Variants in NRXN1 observed in about 807,000 individuals in gnomAD.
NRXN1 encodes the protein neurexin-1.
In NRXN1, 39 loss-of-function variants were observed where a neutral mutation model predicts 150.9. That is an observed-to-expected ratio of 0.26 (90% CI 0.20 to 0.34). NRXN1 has a LOEUF of 0.34. Ranked by LOEUF, NRXN1 falls within the 10% of genes least tolerant of loss-of-function variation. The probability of loss-of-function intolerance (pLI) is 1.00; values close to 1 mark genes in which losing one functional copy is unlikely to be tolerated. For missense variants in NRXN1, 1,815 were observed against 1,949.9 expected, an observed-to-expected ratio of 0.93 and a Z score of 1.30; for synonymous variants, 924 against 757.0, an observed-to-expected ratio of 1.22 and a Z score of -3.62.
At chr2:50,420,912 C>T (rs1452630671) in intron 17 of NRXN1, among the ~76,000 whole-genome samples, 1 of 150,476 alleles carries the variant, frequency 6.6e-6, no homozygotes, top group Admixed American at 6.7e-5. Flanking sequence ...ATTTGGATTC[C>T]TCTAAGTAAA....
intron 18 of NRXN1, among the ~76,000 whole-genome samples, chr2:50,139,241 G>A (rs115835544): frequency 0.012 from 1,787 of 150,220 alleles, 21 homozygotes; most frequent in Non-Finnish European, 0.019. Flanking sequence ...CAGGAGAGTT[G>A]CTTGATCCTG....
At chr2:50,014,604 G>A (rs1024488603) in intron 21 of NRXN1, among the ~76,000 whole-genome samples, 4 of 152,114 alleles carry the variant, frequency 2.6e-5, no homozygotes, top group Non-Finnish European at 4.4e-5. Context: ...GAGAACCACT[G>A]ATTTGTTCTT....
At chr2:50,959,186 G>A (rs898151676) in intron 2 of NRXN1, among the ~76,000 whole-genome samples, 5 of 151,980 alleles carry the variant, frequency 3.3e-5, no homozygotes, top group Non-Finnish European at 7.4e-5. Context: ...AACCCCTTTG[G>A]AAAGCAGTCT....
At chr2:50,493,665 A>T (rs1444874861) in intron 15 of NRXN1, among the ~76,000 whole-genome samples, 3 of 152,212 alleles carry the variant, frequency 2.0e-5, no homozygotes, top group East Asian at 1.9e-4. Flanking sequence ...GATGGTGCAC[A>T]TGATAAGAGG....
intron 8 of NRXN1, among the ~76,000 whole-genome samples, chr2:50,592,033 G>C (rs976826866): frequency 1.3e-5 from 2 of 152,188 alleles, no homozygotes; most frequent in Non-Finnish European, 2.9e-5. Flanking sequence ...CCGATGCAAG[G>C]AGGAGATAAG....
At chr2:50,626,180 G>T (rs1680999952) in intron 5 of NRXN1, among the ~76,000 whole-genome samples, 1 of 151,894 alleles carries the variant, frequency 6.6e-6, no homozygotes, top group Non-Finnish European at 1.5e-5. Flanking sequence ...AGAATTTAGA[G>T]TTCTGTGTAC....
chr2:50,490,702 G>A lies in NRXN1; in HGVS notation c.3070+5203C>T, dbSNP rs184006261. On this transcript the variant is annotated intron_variant, in intron 15 of 22. Coordinates refer to ENST00000401669, the MANE Select transcript of NRXN1 (RefSeq NM_001330078.2). ...GCAGTGCCAGCAGACAGAATAGAGC[G>A]AGGGTGGCTGCACTGCTGTCACGGT... is the stretch of plus-strand genomic sequence containing the variant. 1.3e-3 allele frequency among the ~76,000 whole-genome samples: 200 copies of A among 152,306 alleles called. 2 individuals are homozygous for A. Among genetic ancestry groups the A allele is most frequent in the East Asian group, 3.9e-4 (2 of 5,170 alleles).
At chr2:50,182,299 C>A (rs1023122999) in intron 18 of NRXN1, among the ~76,000 whole-genome samples, 2 of 151,874 alleles carry the variant, frequency 1.3e-5, no homozygotes, top group African/African-American at 4.8e-5. Context: ...TAAGATTTTA[C>A]ATGTGGCATT....
At chr2:50,231,705 C>A (rs1221904360) in intron 18 of NRXN1, among the ~76,000 whole-genome samples, 2 of 152,088 alleles carry the variant, frequency 1.3e-5, no homozygotes, top group Non-Finnish European at 2.9e-5. Flanking sequence ...AGAACCAATG[C>A]ACATGTTAAT....
At chr2:50,187,443 T>G (rs1440352740) in intron 18 of NRXN1, among the ~76,000 whole-genome samples, 3 of 152,098 alleles carry the variant, frequency 2.0e-5, no homozygotes, top group Admixed American at 1.3e-4. Flanking sequence ...ATAACATTCT[T>G]TTATTATGCT....
intron 17 of NRXN1, among the ~76,000 whole-genome samples, chr2:50,273,893 T>C (rs1353827247): frequency 6.6e-6 from 1 of 152,110 alleles, no homozygotes; most frequent in Non-Finnish European, 1.5e-5. Context: ...CTGGAGAGGA[T>C]GTGTAGAAAT....
intron 5 of NRXN1, among the ~76,000 whole-genome samples, chr2:50,880,681 G>C (rs898989750): frequency 6.6e-6 from 1 of 151,942 alleles, no homozygotes; most frequent in African/African-American, 2.4e-5. Context: ...TTTGTGTTTT[G>C]TCTTGCTTTC....
intron 2 of NRXN1, among the ~76,000 whole-genome samples, chr2:51,006,236 T>G (rs945561678): frequency 6.6e-6 from 1 of 151,860 alleles, no homozygotes; most frequent in Non-Finnish European, 1.5e-5. Flanking sequence ...TGAGTTCATG[T>G]CCTTTGTAGG....
intron 18 of NRXN1, among the ~76,000 whole-genome samples, chr2:50,200,396 C>T (rs1487304446): frequency 6.6e-6 from 1 of 152,088 alleles, no homozygotes; most frequent in African/African-American, 2.4e-5. Context: ...TCTTCTAAGA[C>T]ATTAATATTT....
At chr2:50,958,495 T>A (rs953723825) in intron 2 of NRXN1, among the ~76,000 whole-genome samples, 11 of 152,168 alleles carry the variant, frequency 7.2e-5, no homozygotes, top group South Asian at 2.1e-4. Flanking sequence ...TTGTTTTTTT[T>A]AATTCATTTA....
At chr2:50,299,432 G>C (rs921246292) in intron 17 of NRXN1, among the ~76,000 whole-genome samples, 58 of 147,340 alleles carry the variant, frequency 3.9e-4, no homozygotes, top group Admixed American at 3.6e-3. Flanking sequence ...TTTTAAAACT[G>C]ACTTCTAAAT....
chr2:50,832,712 G>A (rs980981265), intron 5 of NRXN1, among the ~76,000 whole-genome samples: 5 of 152,098 alleles, frequency 3.3e-5, no homozygotes, highest in African/African-American at 1.2e-4. Context: ...CAAAGTTGGA[G>A]CTCAATGCAG....
chr2:50,816,846 T>C (rs1161657286), intron 5 of NRXN1, among the ~76,000 whole-genome samples: 1 of 152,080 alleles, frequency 6.6e-6, no homozygotes, highest in African/African-American at 2.4e-5. Context: ...CAAAGTCCTT[T>C]CCTCCAAGAT....
intron 18 of NRXN1, among the ~76,000 whole-genome samples, chr2:50,187,892 C>G (rs2061191245): frequency 6.6e-6 from 1 of 151,950 alleles, no homozygotes. Flanking sequence ...TTGTCTATTG[C>G]TGGTGTATTA....
Sources: gnomAD v4.1 joint callset for allele counts (sites outside exome capture counted in the v4.1 genomes callset) on GRCh38, gnomAD v4.1.1 for gene constraint, MANE v1.5 for transcripts, NCBI Gene and HGNC (gene_info 2026-07-23, HGNC 2026-07-21) for gene names.